FANCC: variants seen among roughly 807,000 people sequenced by gnomAD.
FANCC encodes the protein FA complementation group C.
A neutral mutation model predicts 71.3 loss-of-function variants in FANCC; 55 were observed. That is an observed-to-expected ratio of 0.77 (90% confidence interval 0.62 to 0.97). The LOEUF (loss-of-function observed/expected upper bound fraction) is 0.97, where lower values mean the gene tolerates loss of function less well. Ranked by LOEUF, FANCC falls within the 50% of genes least tolerant of loss-of-function variation. FANCC has a pLI of 0.00. For synonymous variants in FANCC, 275 were observed against 244.9 expected, an observed-to-expected ratio of 1.12 and a Z score of -1.15; for missense variants, 678 against 670.9, an observed-to-expected ratio of 1.01 and a Z score of -0.12.
chr9:95,113,392 C>T (rs1463868395), intron 12 of FANCC, among the ~76,000 whole-genome samples: 1 of 152,156 alleles, frequency 6.6e-6, no homozygotes, highest in African/African-American at 2.4e-5. Context: ...AAATTATACT[C>T]TGAAAGAGGA....
At chr9:95,142,256 G>A (rs1828869758) in intron 7 of FANCC, among the ~76,000 whole-genome samples, 3 of 152,010 alleles carry the variant, frequency 2.0e-5, no homozygotes, top group African/African-American at 7.3e-5. Context: ...GCCTTCCAAA[G>A]TGCTGGGATT....
intron 7 of FANCC, among the ~76,000 whole-genome samples, chr9:95,143,304 A>G (rs1042874173): frequency 6.6e-6 from 1 of 152,114 alleles, no homozygotes; most frequent in Non-Finnish European, 1.5e-5. Context: ...TGAACCCCAC[A>G]GTTTAGGTTT....
rs150174412 is a variant in FANCC, at chr9:95,247,473, A to T, written c.209T>A (p.Leu70Gln). 2 of 1,613,752 alleles carry T rather than the reference A, an allele frequency of 1.2e-6. No individual in the cohort carries two copies. Among genetic ancestry groups the T allele is most frequent in the African/African-American group, 2.7e-5 (2 of 74,924 alleles). The change falls in exon 3 of 15, where the codon CTG becomes CAG. Residue 70 changes from leucine (L) to glutamine (Q), a missense_variant. Transcript: ENST00000289081. ...VIERFPTIGQ[L>Q]LAKACWNPFI... Reference sequence around the variant, plus strand: ...AGGATTCCAACAAGCTTTTGCCAACAGTTGACCAATTGTGGGGAATCTTTC... The same window carrying T: ...AGGATTCCAACAAGCTTTTGCCAACTGTTGACCAATTGTGGGGAATCTTTC...
At chr9:95,176,745 G>A (rs770464078) in intron 4 of FANCC, among the ~76,000 whole-genome samples, 4 of 152,248 alleles carry the variant, frequency 2.6e-5, no homozygotes, top group Non-Finnish European at 5.9e-5. Flanking sequence ...AGCGCAAGGC[G>A]CTACAAACCT....
chr9:95,307,556 AAGTGTT>A (rs1338005586), intron 1 of FANCC, among the ~76,000 whole-genome samples: 1 of 152,180 alleles, frequency 6.6e-6, no homozygotes, highest in African/African-American at 2.4e-5. Context: ...ATTTTTTTCT[AAGTGTT>A]AGTTTAACAA....
intron 1 of FANCC, among the ~76,000 whole-genome samples, chr9:95,279,073 G>C (rs1833219974): frequency 6.6e-6 from 1 of 152,032 alleles, no homozygotes; most frequent in Non-Finnish European, 1.5e-5. Context: ...CCAGAACTCT[G>C]GGAGGTGAAG....
intron 6 of FANCC, among the ~76,000 whole-genome samples, chr9:95,157,063 G>A (rs1357125617): frequency 6.6e-6 from 1 of 152,112 alleles, no homozygotes; most frequent in Admixed American, 6.5e-5. Context: ...GACTTCAAAT[G>A]TCGAAGCAGC....
chr9:95,110,660 A>C, intron 13 of FANCC: 1 of 1,048,370 alleles, frequency 9.5e-7, no homozygotes, highest in Middle Eastern at 4.4e-4. Context: ...GTGTTTTCAA[A>C]CAACAGAAAA....
At chr9:95,159,125 T>C (rs1830603008) in intron 6 of FANCC, among the ~76,000 whole-genome samples, 1 of 152,184 alleles carries the variant, frequency 6.6e-6, no homozygotes, top group Non-Finnish European at 1.5e-5. Flanking sequence ...GTTGGTTTGC[T>C]GCACCCATTA....
intron 6 of FANCC, among the ~76,000 whole-genome samples, chr9:95,165,151 T>C (rs1048485528): frequency 6.6e-6 from 1 of 151,924 alleles, no homozygotes; most frequent in Non-Finnish European, 1.5e-5. Flanking sequence ...TTTTTGCTAT[T>C]AAGTCTTCTC....
intron 10 of FANCC, chr9:95,123,300 T>C: frequency 1.7e-5 from 5 of 294,750 alleles, no homozygotes; most frequent in South Asian, 1.5e-4. Flanking sequence ...TAAGAGCCTG[T>C]CTCAAAAAAT....
In FANCC at chr9:95,139,834, TTA is replaced by T. The variant is rs539221326; in HGVS notation, c.687-4334_687-4333del. Reference sequence around the variant, plus strand: ...CCTGACAAAATGAATATATATATATTTATATATATATATATATAAATATATAT... The same window carrying T: ...CCTGACAAAATGAATATATATATATTTATATATATATATATAAATATATAT... On this transcript the variant is annotated intron_variant, in intron 7 of 14. Transcript: ENST00000289081. Among the ~76,000 whole-genome samples, 284 of 143,112 alleles carry T rather than the reference TTA, an allele frequency of 2.0e-3. 3 individuals carry two copies. The highest frequency in any genetic ancestry group is 0.015 in the East Asian group (74 of 4,988). 93.9% of individuals were successfully genotyped at this position (143,112 alleles called of 152,430 possible).
Position 95,111,563 on chromosome 9 carries a change from TG to T in FANCC, c.1228del (p.Gln410AsnfsTer3). The T allele has an allele frequency of 6.2e-7, 1 of 1,614,146 alleles. No homozygotes were observed. The highest frequency in any genetic ancestry group is 8.5e-7 in the Non-Finnish European group (1 of 1,180,030). ...FGGWAEMVAEQLLMSAAEPPT... is the reference protein window; with the variant it reads ...FGGWAEMVAEXLLMSAAEPPT... ...GGGTTCGGCTGCCGACATCAGTAATTGCTCTGCCACCATCTCAGCCCATCCT... is the reference window on the plus strand; with the variant it reads ...GGGTTCGGCTGCCGACATCAGTAATTCTCTGCCACCATCTCAGCCCATCCT... On this transcript the variant is annotated frameshift_variant, in exon 13 of 15. Transcript: ENST00000289081. LOFTEE classifies it high-confidence loss of function.
intron 1 of FANCC, among the ~76,000 whole-genome samples, chr9:95,308,135 C>G (rs1835170662): frequency 6.6e-6 from 1 of 152,228 alleles, no homozygotes; most frequent in Admixed American, 6.5e-5. Context: ...AAAGGTGGTT[C>G]TGATCAAGTA....
chr9:95,187,933 T>TTAGG (rs1826831754), intron 4 of FANCC, among the ~76,000 whole-genome samples: 1 of 151,350 alleles, frequency 6.6e-6, no homozygotes, highest in Non-Finnish European at 1.5e-5. Flanking sequence ...TCAGACCCAT[T>TTAGG]TAGGTTCAAT....
intron 8 of FANCC, among the ~76,000 whole-genome samples, chr9:95,133,015 C>T (rs1439327819): frequency 6.6e-6 from 1 of 152,198 alleles, no homozygotes; most frequent in Non-Finnish European, 1.5e-5. Flanking sequence ...ATCAGGTTTC[C>T]TCTGGAGCAC....
intron 10 of FANCC, chr9:95,123,269 A>C (rs1825373008): frequency 3.6e-6 from 1 of 280,386 alleles, no homozygotes. Context: ...ATACCACTGC[A>C]CTCCAGCCTT....
chr9:95,272,935 G>C (rs958261409), intron 1 of FANCC, among the ~76,000 whole-genome samples: 1 of 152,022 alleles, frequency 6.6e-6, no homozygotes, highest in African/African-American at 2.4e-5. Context: ...TTCACTGTCC[G>C]GCAAAGGTGT....
At chr9:95,314,107 G>A (rs191890021) in intron 1 of FANCC, among the ~76,000 whole-genome samples, 2 of 152,134 alleles carry the variant, frequency 1.3e-5, no homozygotes, top group African/African-American at 4.8e-5. Context: ...AGGCAAAAAA[G>A]AAACTAAAGG....
Sources: allele counts gnomAD v4.1 joint callset (sites outside exome capture counted in the v4.1 genomes callset), GRCh38; gene constraint gnomAD v4.1.1; transcripts MANE v1.5; gene names NCBI Gene and HGNC (gene_info 2026-07-23, HGNC 2026-07-21).